The following WDR70 variants were observed in gnomAD, a reference collection of about 807,000 sequenced individuals.
WDR70 encodes WD repeat-containing protein 70.
A neutral mutation model predicts 88.6 loss-of-function variants in WDR70; 53 were observed. The ratio of observed to expected loss-of-function variants is 0.60; its 90% CI spans 0.48 to 0.75. The LOEUF (loss-of-function observed/expected upper bound fraction) is 0.75, where lower values mean the gene tolerates loss of function less well. Among genes scored for constraint, WDR70 ranks in the 30% least tolerant of loss-of-function variants. WDR70 has a pLI of 0.00. For synonymous variants in WDR70, 280 were observed against 270.0 expected (o/e 1.04, Z -0.36); for missense variants, 610 against 823.2 (o/e 0.74, Z 3.17).
intron 10 of WDR70, among the ~76,000 whole-genome samples, chr5:37,657,103 T>G (rs1277549148): frequency 6.6e-6 from 1 of 152,164 alleles, no homozygotes; most frequent in Non-Finnish European, 1.5e-5. Flanking sequence ...GTTTTGTGCT[T>G]GAAACTTAGG....
At chr5:37,463,055 C>T (rs1456961093) in intron 7 of WDR70, among the ~76,000 whole-genome samples, 3 of 151,974 alleles carry the variant, frequency 2.0e-5, no homozygotes, top group African/African-American at 7.3e-5. Flanking sequence ...GGGCGGAACA[C>T]GAGGTCAGGA....
intron 10 of WDR70, among the ~76,000 whole-genome samples, chr5:37,678,440 C>G (rs1162903813): frequency 6.6e-6 from 1 of 152,108 alleles, no homozygotes; most frequent in Non-Finnish European, 1.5e-5. Context: ...GTGACAAAAT[C>G]TGTCAGCATT....
chr5:37,609,236 T>C (rs957759318), intron 10 of WDR70, among the ~76,000 whole-genome samples: 1 of 152,156 alleles, frequency 6.6e-6, no homozygotes, highest in Non-Finnish European at 1.5e-5. Context: ...GTGACTGATT[T>C]TGGATTTGCT....
At chr5:37,493,198 T>TTTA (rs1188285735) in intron 8 of WDR70, among the ~76,000 whole-genome samples, 4 of 152,138 alleles carry the variant, frequency 2.6e-5, no homozygotes, top group Admixed American at 2.0e-4. Flanking sequence ...ACACCCCCAG[T>TTTA]TTATTACCTA....
intron 17 of WDR70, among the ~76,000 whole-genome samples, chr5:37,735,839 C>T (rs1346600546): frequency 2.0e-5 from 3 of 152,128 alleles, no homozygotes; most frequent in Admixed American, 6.6e-5. Context: ...TACCATATCT[C>T]GCTTTATCAC....
chr5:37,409,150 G>C (rs1184905665), intron 5 of WDR70, among the ~76,000 whole-genome samples: 2 of 151,984 alleles, frequency 1.3e-5, no homozygotes, highest in Non-Finnish European at 2.9e-5. Flanking sequence ...TGTTGGTCAG[G>C]CTGGTCTCGA....
At chr5:37,386,062 C>T (rs909935804) in intron 3 of WDR70, among the ~76,000 whole-genome samples, 4 of 152,006 alleles carry the variant, frequency 2.6e-5, no homozygotes, top group East Asian at 1.9e-4. Context: ...ATCCGCCCCC[C>T]TCAGCCTCCC....
intron 10 of WDR70, among the ~76,000 whole-genome samples, chr5:37,649,374 A>G (rs1198883323): frequency 1.3e-5 from 2 of 151,162 alleles, no homozygotes; most frequent in Non-Finnish European, 2.9e-5. Context: ...TTACTTACTT[A>G]TTTTCCTGAA....
At chr5:37,510,858 A>G (rs183503500) in intron 8 of WDR70, among the ~76,000 whole-genome samples, 2 of 152,226 alleles carry the variant, frequency 1.3e-5, no homozygotes, top group South Asian at 2.1e-4. Context: ...ATAGAATTTG[A>G]TTTTACCTCA....
At chr5:37,517,239 C>T (rs1740916131) in intron 9 of WDR70, among the ~76,000 whole-genome samples, 1 of 152,078 alleles carries the variant, frequency 6.6e-6, no homozygotes, top group African/African-American at 2.4e-5. Context: ...TAATAGCTAA[C>T]ATAAGCTTAT....
chr5:37,499,591 C>CTCTCTCTCTCTCTTTT (rs1561876800), intron 8 of WDR70, among the ~76,000 whole-genome samples: 2,433 of 36,904 alleles, frequency 0.066, 88 homozygotes, highest in Non-Finnish European at 0.096. Flanking sequence ...GAAATATTCT[C>CTCTCTCTCTCTCTTTT]TCTCTCTCTC....
chr5:37,424,407 A>AT (rs11434948), intron 5 of WDR70, among the ~76,000 whole-genome samples: 68,865 of 142,086 alleles, frequency 0.48, 18,269 homozygotes, highest in Non-Finnish European at 0.61. Context: ...ATTTTTTTCC[A>AT]TTTTTTTTTT....
At chr5:37,719,597 C>G (rs1190966730) in intron 13 of WDR70, among the ~76,000 whole-genome samples, 1 of 152,056 alleles carries the variant, frequency 6.6e-6, no homozygotes, top group Admixed American at 6.5e-5. Flanking sequence ...TTGATTTTCT[C>G]TGTACAATAT....
At chr5:37,444,168 A>T (rs1328187810) in intron 7 of WDR70, among the ~76,000 whole-genome samples, 1 of 152,094 alleles carries the variant, frequency 6.6e-6, no homozygotes, top group East Asian at 1.9e-4. Flanking sequence ...AAATTAAAAA[A>T]AAAACAAAAC....
chr5:37,389,316 A>G (rs1229679134), intron 3 of WDR70, among the ~76,000 whole-genome samples: 1 of 144,002 alleles, frequency 6.9e-6, no homozygotes, highest in Non-Finnish European at 1.5e-5. Context: ...CTGGTCTCGA[A>G]CTCCTGAGCT....
intron 7 of WDR70, among the ~76,000 whole-genome samples, chr5:37,456,749 A>G (rs963266595): frequency 6.6e-6 from 1 of 152,194 alleles, no homozygotes; most frequent in Non-Finnish European, 1.5e-5. Context: ...AACAAAGGAC[A>G]TCAAAAACAA....
At chr5:37,456,128 T>C (rs1434388021) in intron 7 of WDR70, among the ~76,000 whole-genome samples, 1 of 152,204 alleles carries the variant, frequency 6.6e-6, no homozygotes, top group African/African-American at 2.4e-5. Flanking sequence ...TAAGTGTGAA[T>C]TGCTTTGTCA....
intron 10 of WDR70, among the ~76,000 whole-genome samples, chr5:37,650,856 T>G (rs150554435): frequency 3.2e-4 from 49 of 152,274 alleles, no homozygotes; most frequent in African/African-American, 1.2e-3. Flanking sequence ...AAACTGTTCT[T>G]TATAACTACT....
chr5:37,443,618 C>T (rs910692586), intron 7 of WDR70, among the ~76,000 whole-genome samples: 18 of 152,214 alleles, frequency 1.2e-4, no homozygotes, highest in Middle Eastern at 3.4e-3. Context: ...TTTAGAAAGC[C>T]GAGGCAGGCG....
Sources: allele counts gnomAD v4.1 joint callset (sites outside exome capture counted in the v4.1 genomes callset), GRCh38; gene constraint gnomAD v4.1.1; transcripts MANE v1.5; gene names NCBI Gene and HGNC (gene_info 2026-07-23, HGNC 2026-07-21).